CNBD1: variants seen among roughly 807,000 people sequenced by gnomAD.
CNBD1 encodes cyclic nucleotide binding domain containing 1, also known as cyclic nucleotide-binding domain-containing protein 1.
CNBD1 carries 71 observed loss-of-function variants against 54.4 expected under a neutral mutation model. The ratio of observed to expected loss-of-function variants is 1.30; its 90% CI spans 1.08 to 1.59. The LOEUF (loss-of-function observed/expected upper bound fraction) is 1.59. CNBD1 is among the 40% of genes most tolerant of loss of function. The probability of loss-of-function intolerance (pLI) is 0.00; values close to 1 mark genes in which losing one functional copy is unlikely to be tolerated. For missense variants in CNBD1, 659 were observed against 518.0 expected, an observed-to-expected ratio of 1.27 and a Z score of -2.64; for synonymous variants, 182 against 170.7, an observed-to-expected ratio of 1.07 and a Z score of -0.51.
intron 4 of CNBD1, among the ~76,000 whole-genome samples, chr8:86,961,525 C>T (rs1220897490): frequency 2.0e-5 from 3 of 152,252 alleles, no homozygotes; most frequent in Non-Finnish European, 4.4e-5. Flanking sequence ...AGAGAAAATT[C>T]TAAGGAGGGT....
chr8:87,245,032 A>T (rs569734635), intron 6 of CNBD1, among the ~76,000 whole-genome samples: 24 of 152,238 alleles, frequency 1.6e-4, no homozygotes, highest in African/African-American at 5.8e-4. Context: ...ATCAGGAAAT[A>T]TTTTTACTAT....
intron 4 of CNBD1, among the ~76,000 whole-genome samples, chr8:87,199,616 T>C (rs1813809572): frequency 6.6e-6 from 1 of 152,220 alleles, no homozygotes; most frequent in Non-Finnish European, 1.5e-5. Flanking sequence ...GGCACTATGC[T>C]GTACAGTAGA....
At chr8:87,255,998 TA>T (rs1563526014) in intron 6 of CNBD1, among the ~76,000 whole-genome samples, 40 of 15,792 alleles carry the variant, frequency 2.5e-3, no homozygotes, top group African/African-American at 0.011. Flanking sequence ...TATATATATA[TA>T]TATATATATA....
At chr8:87,310,277 C>T (rs189949715) in intron 8 of CNBD1, among the ~76,000 whole-genome samples, 7 of 152,118 alleles carry the variant, frequency 4.6e-5, no homozygotes, top group Admixed American at 4.6e-4. Flanking sequence ...ATCACTTGAC[C>T]CCAGGAGGTA....
intron 4 of CNBD1, among the ~76,000 whole-genome samples, chr8:87,012,095 T>C (rs1186366342): frequency 2.6e-5 from 4 of 152,218 alleles, no homozygotes; most frequent in Admixed American, 6.5e-5. Context: ...TTTGAATTTA[T>C]AAGTTAGAAA....
At chr8:86,908,784 CTTTTTT>C (rs1216108367) in intron 3 of CNBD1, among the ~76,000 whole-genome samples, 2 of 70,866 alleles carry the variant, frequency 2.8e-5, no homozygotes. Context: ...CATAAGAATT[CTTTTTT>C]TTTTTTTTTT....
chr8:87,375,616 A>G (rs1358612406), intron 10 of CNBD1, among the ~76,000 whole-genome samples: 1 of 151,898 alleles, frequency 6.6e-6, no homozygotes, highest in African/African-American at 2.4e-5. Flanking sequence ...AGGTTATTAG[A>G]TTGGAATATT....
At chr8:87,108,396 C>A (rs952028277) in intron 4 of CNBD1, among the ~76,000 whole-genome samples, 1 of 152,108 alleles carries the variant, frequency 6.6e-6, no homozygotes, top group Non-Finnish European at 1.5e-5. Context: ...GTCAGTAGTT[C>A]TCAGGCAGGT....
At chr8:86,941,567 T>C (rs1310636605) in intron 4 of CNBD1, among the ~76,000 whole-genome samples, 1 of 152,158 alleles carries the variant, frequency 6.6e-6, no homozygotes, top group African/African-American at 2.4e-5. Flanking sequence ...TAACAAAGTT[T>C]CTGATCTGAG....
chr8:87,414,420 C>T (rs1446677496), intron 2 of CNBD1, among the ~76,000 whole-genome samples: 3 of 151,964 alleles, frequency 2.0e-5, no homozygotes, highest in South Asian at 4.2e-4. Flanking sequence ...ATACCTAATG[C>T]TAAATGACAA....
intron 2 of CNBD1, among the ~76,000 whole-genome samples, chr8:87,401,540 T>C (rs1477751370): frequency 6.6e-6 from 1 of 152,110 alleles, no homozygotes; most frequent in Non-Finnish European, 1.5e-5. Context: ...GCATTGTTTA[T>C]CTTTCTTGTT....
At chr8:86,886,037 G>C (rs1370350930) in intron 1 of CNBD1, among the ~76,000 whole-genome samples, 1 of 151,912 alleles carries the variant, frequency 6.6e-6, no homozygotes, top group Non-Finnish European at 1.5e-5. Flanking sequence ...CTTTTTTAAA[G>C]CCTCTCTTTT....
chr8:87,118,800 G>A (rs2130713209), intron 4 of CNBD1, among the ~76,000 whole-genome samples: 1 of 152,242 alleles, frequency 6.6e-6, no homozygotes, highest in South Asian at 2.1e-4. Context: ...CCTGGGAAAG[G>A]CACAATTATA....
At chr8:87,400,759 C>A (rs1475482020) in intron 2 of CNBD1, among the ~76,000 whole-genome samples, 2 of 151,922 alleles carry the variant, frequency 1.3e-5, no homozygotes, top group Admixed American at 6.6e-5. Context: ...AATTACTTAT[C>A]CTCTGAGATA....
chr8:86,868,974 C>T (rs558909980), intron 1 of CNBD1, among the ~76,000 whole-genome samples: 3 of 152,068 alleles, frequency 2.0e-5, no homozygotes, highest in African/African-American at 7.2e-5. Context: ...GTGAGAAAGA[C>T]TCGACTGGCC....
chr8:87,082,091 G>A (rs1052126594), intron 4 of CNBD1, among the ~76,000 whole-genome samples: 8 of 152,252 alleles, frequency 5.3e-5, no homozygotes, highest in African/African-American at 1.4e-4. Flanking sequence ...TGACTTGCAC[G>A]TATACATCCA....
chr8:87,264,253 T>A (rs1808203424), intron 6 of CNBD1, among the ~76,000 whole-genome samples: 1 of 151,904 alleles, frequency 6.6e-6, no homozygotes, highest in Admixed American at 6.6e-5. Flanking sequence ...TGGTGTTTGG[T>A]TTTTTTGTCC....
chr8:87,040,123 C>T (rs1027979368), intron 4 of CNBD1, among the ~76,000 whole-genome samples: 3 of 152,230 alleles, frequency 2.0e-5, no homozygotes, highest in Admixed American at 6.5e-5. Context: ...AAACCATAAT[C>T]TCTAATCTTG....
intron 10 of CNBD1, among the ~76,000 whole-genome samples, chr8:87,357,586 T>C (rs1307654414): frequency 6.6e-6 from 1 of 152,208 alleles, no homozygotes; most frequent in African/African-American, 2.4e-5. Flanking sequence ...TTTACTTGAT[T>C]TCTTTAGCAC....
Sources: allele counts gnomAD v4.1 joint callset (sites outside exome capture counted in the v4.1 genomes callset), GRCh38; gene constraint gnomAD v4.1.1; transcripts MANE v1.5; gene names NCBI Gene and HGNC (gene_info 2026-07-23, HGNC 2026-07-21).